USP42: variants seen among roughly 807,000 people sequenced by gnomAD.
USP42 encodes ubiquitin carboxyl-terminal hydrolase 42.
Under a neutral mutation model 113.0 loss-of-function variants are expected in USP42, and 23 were observed. That is an observed-to-expected ratio of 0.20 (90% CI 0.15 to 0.29). The LOEUF is 0.29. Among genes scored for constraint, USP42 ranks in the 10% least tolerant of loss-of-function variants. The pLI, the probability that USP42 is intolerant of heterozygous loss-of-function variation, is 1.00. For synonymous variants in USP42, 933 were observed against 699.0 expected (o/e 1.33, Z -5.28); for missense variants, 2,174 against 1,779.8 (o/e 1.22, Z -3.99).
rs778699862 is a variant in USP42, at chr7:6,153,975, G to A, written c.2421G>A (p.Glu807=). 1 of 1,595,768 alleles carries A rather than the reference G, an allele frequency of 6.3e-7. No homozygotes were observed. Among genetic ancestry groups the A allele is most frequent in the African/African-American group, 1.3e-5 (1 of 74,608 alleles). The part of the protein sequence containing the change: ...APEEPPPSAG[E]DIVGDTAPPD... Reference sequence around the variant, plus strand: ...AGGAGCCTCCGCCCAGCGCCGGCGAGGACATCGTGGGGGACACAGCACCCC... The same window carrying A: ...AGGAGCCTCCGCCCAGCGCCGGCGAAGACATCGTGGGGGACACAGCACCCC... Residue 807 remains glutamate, a synonymous_variant, in exon 15 of 18, where the codon GAG becomes GAA. Coordinates refer to ENST00000306177, the MANE Select transcript of USP42 (RefSeq NM_032172.3).
chr7:6,085,147 T>C, the USP42 span: 1 of 150,652 alleles, frequency 6.6e-6, no homozygotes, highest in Non-Finnish European at 1.5e-5. Flanking sequence ...TGAGACAGAT[T>C]CTCACTCTGT....
chr7:6,154,237 G>C lies in USP42; in HGVS notation c.2683G>C (p.Ala895Pro). 1 of 1,605,532 alleles carries C rather than the reference G, an allele frequency of 6.2e-7. No individual in the cohort carries two copies. The highest frequency in any genetic ancestry group is 8.5e-7 in the Non-Finnish European group (1 of 1,177,926). Reference sequence around the variant, plus strand: ...ATCCCAGAGCTTGGGCGCACCCGAGGCCGCAGAGCGGCCGCCAGCTCCTGT... The same window carrying C: ...ATCCCAGAGCTTGGGCGCACCCGAGCCCGCAGAGCGGCCGCCAGCTCCTGT... ...DPSQSLGAPE[A>P]AERPPAPVLD... The change falls in exon 15 of 18, where the codon GCC (alanine) becomes CCC (proline). Residue 895 changes from alanine (A) to proline (P), a missense_variant. Transcript: ENST00000306177.
chr7:6,126,404 C>T (rs770129323), intron 3 of USP42, among the ~76,000 whole-genome samples: 4 of 152,118 alleles, frequency 2.6e-5, no homozygotes, highest in Non-Finnish European at 5.9e-5. Context: ...CCTGCCTCAG[C>T]CTCCCGAGTA....
chr7:6,094,245 C>G, the USP42 span, among the ~76,000 whole-genome samples: 2 of 150,882 alleles, frequency 1.3e-5, no homozygotes, highest in African/African-American at 2.5e-5. Context: ...GCCATAATAG[C>G]TCACTGGACC....
chr7:6,134,541 GCTC>G (rs1404540587), intron 3 of USP42, among the ~76,000 whole-genome samples: 1 of 152,170 alleles, frequency 6.6e-6, no homozygotes, highest in Non-Finnish European at 1.5e-5. Context: ...TAGTCAGGCA[GCTC>G]CTCAGCCTCG....
At chr7:6,083,726 G>A in the USP42 span, among the ~76,000 whole-genome samples, 2 of 150,700 alleles carry the variant, frequency 1.3e-5, no homozygotes, top group Admixed American at 6.6e-5. Context: ...ATTATGTGGC[G>A]TTTATGTTTT....
In USP42 at chr7:6,139,328, T is replaced by C; in HGVS notation, c.656+134T>C. 1 of 625,462 alleles carries C rather than the reference T, an allele frequency of 1.6e-6. No individual in the cohort carries two copies. Among genetic ancestry groups the C allele is most frequent in the Non-Finnish European group, 2.6e-6 (1 of 381,882 alleles). The allele number at this position is 625,462 out of a possible 1,614,324, so 38.7% of individuals were successfully genotyped here. Reference sequence around the variant, plus strand: ...TTCACTTTACCTTTTGGCTTTGCTCTGCCTCTTCCTTAGGTGATGTGCATT... The same window carrying C: ...TTCACTTTACCTTTTGGCTTTGCTCCGCCTCTTCCTTAGGTGATGTGCATT... On this transcript the variant is annotated intron_variant, in intron 5 of 17. Coordinates refer to ENST00000306177, the MANE Select transcript of USP42 (RefSeq NM_032172.3). The surrounding 1 kb of genome is among the most constrained non-coding windows in gnomAD (Gnocchi z 4.5).
At chr7:6,110,764 C>T (rs1779557712) in intron 1 of USP42, among the ~76,000 whole-genome samples, 1 of 151,978 alleles carries the variant, frequency 6.6e-6, no homozygotes, top group South Asian at 2.1e-4. Context: ...TAGTTTTAAG[C>T]AGTATAGAAG....
intron 3 of USP42, among the ~76,000 whole-genome samples, chr7:6,129,387 C>G (rs952698114): frequency 6.6e-6 from 1 of 150,774 alleles, no homozygotes; most frequent in Admixed American, 6.6e-5. Context: ...GAAACCCCAT[C>G]TCTACTAAAA....
chr7:6,120,580 A>T (rs1489332242), intron 3 of USP42, among the ~76,000 whole-genome samples: 1 of 151,700 alleles, frequency 6.6e-6, no homozygotes, highest in Non-Finnish European at 1.5e-5. Context: ...GATTTCAGGC[A>T]TGAGCCACTA....
At chr7:6,136,783 G>A (rs1346231355) in intron 4 of USP42, among the ~76,000 whole-genome samples, 2 of 151,704 alleles carry the variant, frequency 1.3e-5, no homozygotes, top group African/African-American at 4.8e-5. Flanking sequence ...AAATAAATAA[G>A]GTTAATTCTC....
At chr7:6,131,388 A>G (rs1465349210) in intron 3 of USP42, among the ~76,000 whole-genome samples, 1 of 152,046 alleles carries the variant, frequency 6.6e-6, no homozygotes, top group East Asian at 1.9e-4. Context: ...TGGGGAGATC[A>G]CCTGAGCCTT....
chr7:6,157,730 G>C lies in USP42; in HGVS notation c.3943+675G>C, dbSNP rs562296787. Reference sequence around the variant, plus strand: ...TGAGTGCACCCTGATGCTCGGTACTGATTTGCTCGCTTGGTTCCTTAGAAG... The same window carrying C: ...TGAGTGCACCCTGATGCTCGGTACTCATTTGCTCGCTTGGTTCCTTAGAAG... On this transcript the variant is annotated intron_variant, in intron 16 of 17. Coordinates refer to ENST00000306177, the MANE Select transcript of USP42 (RefSeq NM_032172.3). This position sits in a 1 kb window ranked among gnomAD's most constrained non-coding sequence, Gnocchi z 4.1. 1.8e-4 allele frequency among the ~76,000 whole-genome samples: 28 copies of C among 152,334 alleles called. No homozygotes were observed. Among genetic ancestry groups the C allele is most frequent in the African/African-American group, 5.8e-4 (24 of 41,586 alleles).
At chr7:6,131,115 G>T (rs937459435) in intron 3 of USP42, among the ~76,000 whole-genome samples, 2 of 152,128 alleles carry the variant, frequency 1.3e-5, no homozygotes, top group Admixed American at 6.5e-5. Context: ...AGGCTTGCAC[G>T]AACGCTGAGC....
intron 4 of USP42, among the ~76,000 whole-genome samples, chr7:6,137,216 A>G (rs1781197109): frequency 6.6e-6 from 1 of 152,256 alleles, no homozygotes; most frequent in Non-Finnish European, 1.5e-5. Flanking sequence ...CTAGAAAGCC[A>G]CTGAAGATTA....
chr7:6,160,353 C>A (rs1390688237), intron 17 of USP42, among the ~76,000 whole-genome samples: 2 of 152,190 alleles, frequency 1.3e-5, no homozygotes, highest in Non-Finnish European at 2.9e-5. Context: ...GGTGGCCGGG[C>A]CCAGCAGATG....
chr7:6,145,768 G>A lies in USP42; in HGVS notation c.1131+112G>A, dbSNP rs192955553. On this transcript the variant is annotated intron_variant, in intron 10 of 17. Transcript: ENST00000306177. ...TTTTACAGTTAAAATGTGAATACCC[G>A]AGGTAAAAATATTTCTCTTGGCCGG... The A allele has an allele frequency of 9.8e-4, 1,216 of 1,235,414 alleles. 6 individuals are homozygous for A. Among genetic ancestry groups the A allele is most frequent in the Non-Finnish European group, 8.4e-4 (751 of 888,814 alleles). 76.5% of individuals were successfully genotyped at this position (1,235,414 alleles called of 1,614,324 possible). A position where few individuals can be genotyped will look rare whatever the true frequency, so the allele number is the denominator to read the frequency against.
chr7:6,153,323 T>C lies in USP42; in HGVS notation c.2202-433T>C, dbSNP rs184265126. On this transcript the variant is annotated intron_variant, in intron 14 of 17. Coordinates refer to ENST00000306177, the MANE Select transcript of USP42 (RefSeq NM_032172.3). ...AAAACAAAAAAAAAAAATAGAGGAA[T>C]TGGAAGAACTAGAGGGATATCCAGA... 1.7e-4 allele frequency among the ~76,000 whole-genome samples: 25 copies of C among 150,950 alleles called. No individual in the cohort carries two copies. In the East Asian group the frequency reaches 4.3e-3, roughly 26 times the overall value.
chr7:6,147,569 G>T (rs542792766), intron 11 of USP42, among the ~76,000 whole-genome samples, 170 bp from the exon 12 acceptor site: 1 of 152,360 alleles, frequency 6.6e-6, no homozygotes, highest in African/African-American at 2.4e-5. Context: ...CTGAGTGCCT[G>T]ACATTAGCCT....
Sources: gnomAD v4.1 joint callset for allele counts (sites outside exome capture counted in the v4.1 genomes callset) on GRCh38, gnomAD v4.1.1 for gene constraint, Gnocchi (gnomAD v3.1) non-coding constraint, MANE v1.5 for transcripts, NCBI Gene and HGNC (gene_info 2026-07-23, HGNC 2026-07-21) for gene names.